Variants in SH3PXD2A observed in about 807,000 individuals in gnomAD.
SH3PXD2A encodes SH3 and PX domain-containing protein 2A.
A neutral mutation model predicts 115.2 loss-of-function variants in SH3PXD2A; 32 were observed. That is an observed-to-expected ratio of 0.28 (90% CI 0.21 to 0.37). The LOEUF (loss-of-function observed/expected upper bound fraction) is 0.37. Ranked by LOEUF, SH3PXD2A falls within the 10% of genes least tolerant of loss-of-function variation. SH3PXD2A has a pLI of 1.00. For missense variants in SH3PXD2A, 1,328 were observed against 1,498.7 expected (o/e 0.89, Z 1.88); for synonymous variants, 610 against 629.1 (o/e 0.97, Z 0.45).
intron 4 of SH3PXD2A, among the ~76,000 whole-genome samples, chr10:103,730,119 G>C (rs1021647313): frequency 5.3e-5 from 8 of 152,160 alleles, no homozygotes; most frequent in African/African-American, 1.7e-4. Context: ...GGTAATGCCT[G>C]CGTCAGGACA....
intron 8 of SH3PXD2A, among the ~76,000 whole-genome samples, chr10:103,648,123 G>A (rs987930910): frequency 2.0e-5 from 3 of 152,162 alleles, no homozygotes; most frequent in African/African-American, 4.8e-5. Context: ...TGGTGGGCAC[G>A]ACACAGGTGA....
intron 1 of SH3PXD2A, among the ~76,000 whole-genome samples, chr10:103,811,270 GAGA>G (rs2039267989): frequency 6.6e-6 from 1 of 152,180 alleles, no homozygotes. Context: ...CCCCCAGAAC[GAGA>G]AGAAAAACAG....
intron 1 of SH3PXD2A, 140 bp from the exon 2 acceptor site, chr10:103,801,502 A>G: frequency 1.8e-6 from 1 of 571,398 alleles, no homozygotes. Context: ...GGGCTAGCAC[A>G]GTATCAGCTA....
chr10:103,671,880 G>A lies in SH3PXD2A; in HGVS notation c.428-3228C>T, dbSNP rs1354305310. ...TCTCCTCTGGTGATCCAGAACCAAC[G>A]GCCCTACAGAGCAGGGTCACTGGCC... On this transcript the variant is annotated intron_variant, in intron 6 of 14. Coordinates refer to ENST00000369774, the MANE Select transcript of SH3PXD2A (RefSeq NM_001394015.1). 5.3e-5 allele frequency among the ~76,000 whole-genome samples: 8 copies of A among 152,300 alleles called. No homozygotes were observed. The East Asian group carries it at 7.7e-4, about 15-fold the overall frequency.
intron 9 of SH3PXD2A, among the ~76,000 whole-genome samples, chr10:103,624,773 C>T (rs1036917374): frequency 6.6e-6 from 1 of 152,164 alleles, no homozygotes; most frequent in African/African-American, 2.4e-5. Flanking sequence ...CTAGTGTCGG[C>T]CAATCTCTTG....
chr10:103,811,484 A>G (rs2039270401), intron 1 of SH3PXD2A, among the ~76,000 whole-genome samples: 1 of 152,238 alleles, frequency 6.6e-6, no homozygotes, highest in Admixed American at 6.5e-5. Flanking sequence ...CCAGTTCATA[A>G]GTGAAGAGAC....
At chr10:103,689,047 T>G (rs1442273460) in intron 6 of SH3PXD2A, among the ~76,000 whole-genome samples, 1 of 152,104 alleles carries the variant, frequency 6.6e-6, no homozygotes, top group South Asian at 2.1e-4. Flanking sequence ...ATTATTTTTA[T>G]TTTTTTGGTA....
At chr10:103,660,652 T>C (rs2037281389) in intron 8 of SH3PXD2A, among the ~76,000 whole-genome samples, 2 of 152,212 alleles carry the variant, frequency 1.3e-5, no homozygotes, top group African/African-American at 4.8e-5. Context: ...TTGCTGGGCA[T>C]CCCTGAGCTG....
At chr10:103,827,571 T>G (rs1449254717) in intron 1 of SH3PXD2A, among the ~76,000 whole-genome samples, 1 of 152,154 alleles carries the variant, frequency 6.6e-6, no homozygotes, top group Non-Finnish European at 1.5e-5. Flanking sequence ...AAAGAGGTCA[T>G]GGACACATAG....
At chr10:103,660,633 A>C (rs2037281013) in intron 8 of SH3PXD2A, among the ~76,000 whole-genome samples, 1 of 152,182 alleles carries the variant, frequency 6.6e-6, no homozygotes, top group African/African-American at 2.4e-5. Flanking sequence ...CTGGCTCAGA[A>C]CGTGGTTGTT....
rs1564843600 is a variant in SH3PXD2A, at chr10:103,610,914, CTT to C, written c.1308+665_1308+666del. ...CATGCCTGGCACTTGAAGACACACT[CTT>C]TCCACTACATCCCACTGCGCTTACT... On this transcript the variant is annotated intron_variant, in intron 13 of 14. Coordinates refer to ENST00000369774, the MANE Select transcript of SH3PXD2A (RefSeq NM_001394015.1). Among the ~76,000 whole-genome samples, 3 of 152,254 alleles carry C rather than the reference CTT, an allele frequency of 2.0e-5. No homozygotes were observed. The South Asian group carries it at 6.2e-4, about 31-fold the overall frequency.
At chr10:103,634,287 G>T (rs1423982996) in intron 8 of SH3PXD2A, among the ~76,000 whole-genome samples, 2 of 152,222 alleles carry the variant, frequency 1.3e-5, no homozygotes, top group African/African-American at 4.8e-5. Flanking sequence ...CAAGGAGAAA[G>T]GCCCTGTGTG....
chr10:103,720,878 C>G (rs1032570329), intron 5 of SH3PXD2A, among the ~76,000 whole-genome samples: 2 of 152,134 alleles, frequency 1.3e-5, no homozygotes, highest in Non-Finnish European at 2.9e-5. Flanking sequence ...GTCCTGGAGG[C>G]GGAGCAGAGA....
intron 9 of SH3PXD2A, among the ~76,000 whole-genome samples, chr10:103,624,957 T>C (rs2036668628): frequency 1.3e-5 from 2 of 152,184 alleles, no homozygotes; most frequent in Non-Finnish European, 2.9e-5. Flanking sequence ...ACACAGGCCC[T>C]GTCAGAGGCG....
intron 8 of SH3PXD2A, among the ~76,000 whole-genome samples, chr10:103,654,007 C>T (rs11191756): frequency 0.19 from 28,736 of 151,574 alleles, 3,526 homozygotes; most frequent in East Asian, 0.53. Flanking sequence ...ACGCCCTGTA[C>T]TCCTCGCTCT....
chr10:103,655,632 G>A (rs1488947860), intron 8 of SH3PXD2A, among the ~76,000 whole-genome samples: 4 of 152,038 alleles, frequency 2.6e-5, no homozygotes. Flanking sequence ...GATCAGGCAG[G>A]CATGGTGGTG....
intron 3 of SH3PXD2A, among the ~76,000 whole-genome samples, chr10:103,750,110 T>C (rs1187168818): frequency 2.0e-5 from 3 of 152,184 alleles, no homozygotes; most frequent in African/African-American, 4.8e-5. Context: ...TGGAGTGCAG[T>C]AGCACAATTT....
chr10:103,735,878 T>A, intron 3 of SH3PXD2A, 70 bp from the exon 4 acceptor site: 1 of 1,198,506 alleles, frequency 8.3e-7, no homozygotes, highest in Non-Finnish European at 1.2e-6. Context: ...CATTCCCCTC[T>A]CCCTTGGCTT....
intron 8 of SH3PXD2A, among the ~76,000 whole-genome samples, chr10:103,634,189 A>G (rs950292562): frequency 2.0e-5 from 3 of 152,236 alleles, no homozygotes; most frequent in Admixed American, 2.0e-4. Context: ...CAGGACTTAC[A>G]TGGAAGGCTT....
Sources: allele counts gnomAD v4.1 joint callset (sites outside exome capture counted in the v4.1 genomes callset), GRCh38; gene constraint gnomAD v4.1.1; transcripts MANE v1.5; gene names NCBI Gene and HGNC (gene_info 2026-07-23, HGNC 2026-07-21).